The following ZNF506 variants were observed in gnomAD, a reference collection of about 807,000 sequenced individuals.
The protein encoded by ZNF506 is zinc finger protein 506.
In ZNF506, 10 loss-of-function variants were observed where a neutral mutation model predicts 11.6. The observed-to-expected ratio is 0.86, with a 90% CI of 0.53 to 1.46. ZNF506 has a LOEUF of 1.46. Among genes scored for constraint, ZNF506 ranks in the 40% most tolerant of loss-of-function variants. The pLI, the probability that ZNF506 is intolerant of heterozygous loss-of-function variation, is 0.00. For synonymous variants in ZNF506, 156 were observed against 173.3 expected (o/e 0.90, Z 0.78); for missense variants, 425 against 521.2 (o/e 0.82, Z 1.80).
Position 19,794,476 on chromosome 19 carries a change from T to C in ZNF506, c.*76A>G. On this transcript the variant is annotated 3_prime_UTR_variant, in exon 4 of 4. Transcript: ENST00000540806. ...GGTTTATGTTCCATATAAATTCTCA[T>C]ATTTAGTCAGAGTCCAGGGCTAGTT... The C allele has an allele frequency of 7.2e-7, 1 of 1,382,152 alleles. No homozygotes were observed. The highest frequency in any genetic ancestry group is 9.9e-7 in the Non-Finnish European group (1 of 1,013,888). 85.6% of individuals were successfully genotyped at this position (1,382,152 alleles called of 1,614,324 possible).
chr19:19,807,060 C>T lies in ZNF506; in HGVS notation c.12G>A (p.Leu4=). The T allele has an allele frequency of 1.9e-6, 3 of 1,613,582 alleles. No individual in the cohort carries two copies. The highest frequency in any genetic ancestry group is 2.5e-6 in the Non-Finnish European group (3 of 1,179,802). ...ATTCTATGGCCACATCTCTAAATTG[C>T]AATGGTCCCTGAAAAAAACACACAC... The part of the protein sequence containing the change: MGP[L]QFRDVAIEFS... Residue 4 remains leucine (L), a synonymous_variant, in exon 2 of 4, where the codon TTG becomes TTA. Transcript: ENST00000540806.
At position 19,794,867 on chromosome 19, in the gene ZNF506, G is replaced by C. The variant is rs1462497673; in HGVS notation, c.1020C>G (p.Pro340=). The change falls in exon 4 of 4, where the codon CCC becomes CCG. Residue 340 remains proline (P), a synonymous_variant. Transcript: ENST00000540806. ...KHKRIHTGDV[P]YKCDECGKTF... ...TTTTGCCACATTCGTCACATTTGTA[G>C]GGTACATCTCCAGTATGAATTCTCT... The C allele has an allele frequency of 6.2e-7, 1 of 1,613,680 alleles. No homozygotes were observed. Among genetic ancestry groups the C allele is most frequent in the Non-Finnish European group, 8.5e-7 (1 of 1,179,964 alleles).
chr19:19,799,636 C>T (rs765247770), intron 3 of ZNF506, among the ~76,000 whole-genome samples: 6 of 152,002 alleles, frequency 3.9e-5, no homozygotes, highest in African/African-American at 1.2e-4. Context: ...TGGCTGGGTG[C>T]GGTGGCTCAT....
At chr19:19,795,751 G>A (rs1456773444) in intron 3 of ZNF506, 91 bp from the exon 4 acceptor site, 30 of 1,248,380 alleles carry the variant, frequency 2.4e-5, no homozygotes, top group South Asian at 1.9e-4. Context: ...TACAAACTAC[G>A]TAAGCAAGAT....
At chr19:19,797,668 C>T (rs1599508103) in intron 3 of ZNF506, 2 of 151,936 alleles carry the variant, frequency 1.3e-5, no homozygotes, top group East Asian at 3.8e-4. Context: ...CTAGGATATA[C>T]CCAAACATCT....
At chr19:19,808,108 C>CTTTTTT (rs757160026) in intron 1 of ZNF506, among the ~76,000 whole-genome samples, 2,282 of 56,754 alleles carry the variant, frequency 0.04, 688 homozygotes, top group African/African-American at 0.067. Context: ...TCATTAACCA[C>CTTTTTT]TTTTTTTTTT....
intron 3 of ZNF506, among the ~76,000 whole-genome samples, chr19:19,801,739 C>T (rs1325607046): frequency 1.3e-5 from 2 of 151,548 alleles, no homozygotes; most frequent in Admixed American, 6.6e-5. Context: ...TGCAGTGAGC[C>T]GAGATCGCAC....
intron 3 of ZNF506, among the ~76,000 whole-genome samples, chr19:19,801,340 C>T (rs1434808858): frequency 6.6e-6 from 1 of 150,732 alleles, no homozygotes; most frequent in East Asian, 2.0e-4. Flanking sequence ...ACTAAAAATA[C>T]AAAAATTAGC....
At chr19:19,821,202 T>C (rs2062964870) in intron 1 of ZNF506, among the ~76,000 whole-genome samples, 3 of 152,070 alleles carry the variant, frequency 2.0e-5, no homozygotes, top group East Asian at 1.9e-4. Context: ...CCCGGCCCAA[T>C]AAATTTTTAA....
In ZNF506 at chr19:19,795,395, CTTATG is replaced by C. The variant is rs1355615016; in HGVS notation, c.487_491del (p.His163AspfsTer10). 1.3e-6 allele frequency: 2 copies of C among 1,595,880 alleles called. No homozygotes were observed. Among genetic ancestry groups the C allele is most frequent in the Admixed American group, 1.8e-5 (1 of 55,256 alleles). ...AAGATTTTTTTCCAGTATCTCTTATCTTATGTTTGTTTGAATTTGAAAATTTATGC... is the reference window on the plus strand; with the variant it reads ...AAGATTTTTTTCCAGTATCTCTTATCTTTGTTTGAATTTGAAAATTTATGC... On this transcript the variant is annotated frameshift_variant, in exon 4 of 4. Transcript: ENST00000540806. LOFTEE classifies it low-confidence loss of function (END_TRUNC).
chr19:19,819,325 G>A (rs1568482301), intron 1 of ZNF506, among the ~76,000 whole-genome samples: 1 of 151,818 alleles, frequency 6.6e-6, no homozygotes. Context: ...TCCAAGAAAT[G>A]GAAGCTAGGT....
intron 1 of ZNF506, among the ~76,000 whole-genome samples, chr19:19,815,751 AG>A (rs1336054595): frequency 2.0e-5 from 3 of 152,256 alleles, no homozygotes; most frequent in Non-Finnish European, 4.4e-5. Flanking sequence ...ACAAACCCCA[AG>A]GGCCCATCTA....
Position 19,794,379 on chromosome 19 carries a change from C to T in ZNF506, c.*173G>A. 2 of 639,870 alleles carry T rather than the reference C, an allele frequency of 3.1e-6. No homozygotes were observed. The highest frequency in any genetic ancestry group is 2.9e-5 in the East Asian group (1 of 34,706). The allele number at this position is 639,870 out of a possible 1,614,324, so 39.6% of individuals were successfully genotyped here. On this transcript the variant is annotated 3_prime_UTR_variant, in exon 4 of 4. Coordinates refer to ENST00000540806, the MANE Select transcript of ZNF506 (RefSeq NM_001099269.3). ...TTCTTCACACTTGTAGGGTTTCTGT[C>T]CAGTATAAATTATGTGTAATAAGGG...
intron 1 of ZNF506, among the ~76,000 whole-genome samples, chr19:19,815,306 G>T (rs1290307279): frequency 1.3e-5 from 2 of 152,212 alleles, no homozygotes; most frequent in Admixed American, 6.5e-5. Flanking sequence ...CCATTGTGAG[G>T]TTCCTGAGGG....
rs58599171 is a variant in ZNF506 at position 19,799,119 on chromosome 19, T to C, written c.227-3459A>G. 3.1e-4 allele frequency: 66 copies of C among 212,598 alleles called. No individual in the cohort carries two copies. In the East Asian group the frequency reaches 5.7e-3, roughly 18 times the overall value. 13.2% of individuals were successfully genotyped at this position (212,598 alleles called of 1,614,324 possible). A position where few individuals can be genotyped will look rare whatever the true frequency, so the allele number is the denominator to read the frequency against. On this transcript the variant is annotated intron_variant, in intron 3 of 3. Transcript: ENST00000540806. ...GTTAAAACTTCAAAAAAGAAGGACA[T>C]TAAACAATATATAGATTAATTCATG...
rs572508426 is a variant in ZNF506 at position 19,813,699 on chromosome 19, A to G, written c.4-6631T>C. On this transcript the variant is annotated intron_variant, in intron 1 of 3. Transcript: ENST00000540806. ...AAGAAAATATGGTATGGTCAGATGC[A>G]GTGGCTCATGCCTGTAATCCCAGCA... Among the ~76,000 whole-genome samples, 5 of 152,358 alleles carry G rather than the reference A, an allele frequency of 3.3e-5. No homozygotes were observed. In the East Asian group the frequency reaches 5.8e-4, roughly 18 times the overall value.
rs752429105 is a variant in ZNF506, at chr19:19,795,553, G to A, written c.334C>T (p.Gln112Ter). 6.3e-7 allele frequency: 1 copy of A among 1,596,760 alleles called. No homozygotes were observed. Among genetic ancestry groups the A allele is most frequent in the African/African-American group, 1.4e-5 (1 of 73,886 alleles). ...RYEKCRHDNL[Q>*]LKKGCESVDE... ...ACACTTTCACAGCCTTTTTTTAACT[G>A]TAAATTGTCATGTCTACATTTTTCA... The change falls in exon 4 of 4, where the codon CAG (glutamine) becomes TAG (stop). Residue 112 changes from glutamine to a stop codon, truncating the protein, a stop_gained. Transcript: ENST00000540806. LOFTEE classifies it low-confidence loss of function (END_TRUNC).
intron 2 of ZNF506, among the ~76,000 whole-genome samples, chr19:19,806,702 G>A (rs2062838178): frequency 6.6e-6 from 1 of 152,020 alleles, no homozygotes; most frequent in Non-Finnish European, 1.5e-5. Flanking sequence ...TAAATTTTTG[G>A]AATTACCACT....
chr19:19,795,953 G>C (rs2062736924), intron 3 of ZNF506: 4 of 361,686 alleles, frequency 1.1e-5, no homozygotes, highest in Non-Finnish European at 2.1e-5. Context: ...ACCCAACACA[G>C]CTCTTCCTGC....
Sources: allele counts gnomAD v4.1 joint callset (sites outside exome capture counted in the v4.1 genomes callset), GRCh38; gene constraint gnomAD v4.1.1; transcripts MANE v1.5; gene names NCBI Gene and HGNC (gene_info 2026-07-23, HGNC 2026-07-21).